CPEB2: variants seen among roughly 807,000 people sequenced by gnomAD.
The protein encoded by CPEB2 is cytoplasmic polyadenylation element-binding protein 2.
A neutral mutation model predicts 93.6 loss-of-function variants in CPEB2; 56 were observed. The ratio of observed to expected loss-of-function variants is 0.60; its 90% CI spans 0.48 to 0.75. The LOEUF (loss-of-function observed/expected upper bound fraction) is 0.75. Ranked by LOEUF, CPEB2 falls within the 30% of genes least tolerant of loss-of-function variation. The probability of loss-of-function intolerance (pLI) is 0.00; values close to 1 mark genes in which losing one functional copy is unlikely to be tolerated. For synonymous variants in CPEB2, 764 were observed against 586.3 expected, an observed-to-expected ratio of 1.30 and a Z score of -4.38; for missense variants, 1,579 against 1,395.1, an observed-to-expected ratio of 1.13 and a Z score of -2.10.
chr4:15,061,043 T>C (rs1729144938), intron 10 of CPEB2, among the ~76,000 whole-genome samples: 1 of 152,114 alleles, frequency 6.6e-6, no homozygotes, highest in Non-Finnish European at 1.5e-5. Context: ...CAGAAACTCA[T>C]TGGAGCAGGT....
intron 4 of CPEB2, among the ~76,000 whole-genome samples, chr4:15,019,141 G>A (rs1724534867): frequency 6.7e-6 from 1 of 150,336 alleles, no homozygotes; most frequent in Non-Finnish European, 1.5e-5. Flanking sequence ...CACAAAACGT[G>A]GAATATTTTA....
intron 3 of CPEB2, among the ~76,000 whole-genome samples, chr4:15,012,042 T>G (rs1723564525): frequency 6.6e-6 from 1 of 152,218 alleles, no homozygotes; most frequent in Non-Finnish European, 1.5e-5. Context: ...GAATCTTTAC[T>G]CACCTTACAC....
At chr4:15,031,751 C>T (rs1206555789) in intron 4 of CPEB2, among the ~76,000 whole-genome samples, 3 of 152,114 alleles carry the variant, frequency 2.0e-5, no homozygotes, top group Admixed American at 1.3e-4. Context: ...GGGTACCTAT[C>T]ATATATATTT....
intron 4 of CPEB2, among the ~76,000 whole-genome samples, chr4:15,021,100 G>T (rs1272593666): frequency 6.6e-6 from 1 of 152,170 alleles, no homozygotes; most frequent in Admixed American, 6.5e-5. Context: ...CCGACTGGGT[G>T]TAACAGGGCA....
chr4:15,027,676 A>G (rs1303992507), intron 4 of CPEB2, among the ~76,000 whole-genome samples: 2 of 152,206 alleles, frequency 1.3e-5, no homozygotes, highest in Non-Finnish European at 2.9e-5. Flanking sequence ...GCAATGCTTT[A>G]TTTAAAGCAC....
At chr4:15,006,091 T>G (rs2643088) in intron 1 of CPEB2, among the ~76,000 whole-genome samples, 20,372 of 152,208 alleles carry the variant, frequency 0.13, 2,328 homozygotes, top group South Asian at 0.32. Context: ...AAGATAACTT[T>G]GAGCATTAAA....
Position 15,003,333 on chromosome 4 carries a change from G to A in CPEB2, c.660G>A (p.Gln220=). The A allele has an allele frequency of 7.1e-7, 1 of 1,405,402 alleles. No individual in the cohort carries two copies. Among genetic ancestry groups the A allele is most frequent in the Non-Finnish European group, 9.1e-7 (1 of 1,093,648 alleles). 87.1% of individuals were successfully genotyped at this position (1,405,402 alleles called of 1,614,324 possible). Residue 220 remains glutamine, a synonymous_variant, in exon 1 of 12, where the codon CAG becomes CAA. Coordinates refer to ENST00000538197, the MANE Select transcript of CPEB2 (RefSeq NM_001177382.2). The part of the protein sequence containing the change: ...PPPPPAGPLL[Q]PAQLAQRQQQ... Reference sequence around the variant, plus strand: ...CGCCGCCAGCCGGCCCGCTCCTCCAGCCGGCGCAGCTCGCTCAGCGCCAGC... The same window carrying A: ...CGCCGCCAGCCGGCCCGCTCCTCCAACCGGCGCAGCTCGCTCAGCGCCAGC...
chr4:15,017,475 G>A (rs1724305411), intron 4 of CPEB2, 197 bp downstream of exon 4: 1 of 391,244 alleles, frequency 2.6e-6, no homozygotes, highest in African/African-American at 2.1e-5. Flanking sequence ...CACCTCCCTT[G>A]ACTTACAATT....
intron 4 of CPEB2, among the ~76,000 whole-genome samples, chr4:15,018,911 A>G (rs1224058722): frequency 6.9e-6 from 1 of 145,518 alleles, no homozygotes; most frequent in Non-Finnish European, 1.5e-5. Context: ...AAGGAAATGG[A>G]AGCATTATAA....
intron 1 of CPEB2, chr4:15,004,891 T>A (rs1187850089): frequency 1.3e-5 from 2 of 152,054 alleles, no homozygotes; most frequent in Non-Finnish European, 2.9e-5. Context: ...AGCCCAAGAC[T>A]CTGTCTCGCT....
At chr4:15,044,761 T>C (rs77681073) in intron 6 of CPEB2, among the ~76,000 whole-genome samples, 4,094 of 152,250 alleles carry the variant, frequency 0.027, 90 homozygotes, top group South Asian at 0.14. Flanking sequence ...AACATTAGCA[T>C]AGCGCCCAGT....
At chr4:15,004,506 G>A (rs1035373267) in intron 1 of CPEB2, among the ~76,000 whole-genome samples, 171 bp downstream of exon 1, 30 of 152,048 alleles carry the variant, frequency 2.0e-4, no homozygotes, top group African/African-American at 7.2e-4. Flanking sequence ...GACAGGACTC[G>A]GAACCCCAGC....
intron 1 of CPEB2, 113 bp downstream of exon 1, chr4:15,004,448 CG>C (rs1722505200): frequency 1.1e-5 from 8 of 718,788 alleles, no homozygotes; most frequent in South Asian, 4.6e-5. Context: ...GAAGCCGCGA[CG>C]GGGGCCACTC....
At chr4:15,044,929 A>G (rs934736339) in intron 6 of CPEB2, among the ~76,000 whole-genome samples, 11 of 152,204 alleles carry the variant, frequency 7.2e-5, no homozygotes, top group African/African-American at 2.2e-4. Context: ...AATCTTTATT[A>G]TAACTACTAT....
chr4:15,004,356 G>C, intron 1 of CPEB2, 21 bp downstream of exon 1: 2 of 1,419,200 alleles, frequency 1.4e-6, no homozygotes, highest in Non-Finnish European at 1.8e-6. Flanking sequence ...CGGCGGCCTG[G>C]CCGCGCCGCG....
chr4:15,029,954 G>T (rs568995480), intron 4 of CPEB2, among the ~76,000 whole-genome samples: 254 of 152,168 alleles, frequency 1.7e-3, no homozygotes, highest in South Asian at 5.2e-3. Context: ...GATCTTACAT[G>T]CAGGGGTACA....
At chr4:15,053,019 A>T (rs969186487) in intron 7 of CPEB2, among the ~76,000 whole-genome samples, 20 of 144,608 alleles carry the variant, frequency 1.4e-4, no homozygotes, top group East Asian at 4.1e-4. Context: ...TTATTTATTT[A>T]TTTATTTTTT....
At chr4:15,019,293 A>C (rs9985564) in intron 4 of CPEB2, among the ~76,000 whole-genome samples, 114,804 of 151,468 alleles carry the variant, frequency 0.76, 45,631 homozygotes, top group Non-Finnish European at 0.88. Flanking sequence ...TCTTGGTACT[A>C]AGTGCTGCCA....
At position 15,007,476 on chromosome 4, in the gene CPEB2, A is replaced by G. The variant is rs972964332; in HGVS notation, c.1834A>G (p.Ile612Val). 2.5e-6 allele frequency: 4 copies of G among 1,614,132 alleles called. No individual in the cohort carries two copies. The highest frequency in any genetic ancestry group is 3.4e-6 in the Non-Finnish European group (4 of 1,180,002). ...PLKKPFSGNVIAPPKFTRSTP... is the reference protein window; with the variant it reads ...PLKKPFSGNVVAPPKFTRSTP... ...GAAGAAACCGTTTTCTGGTAATGTC[A>G]TAGCACCACCGAAATTTACTCGCTC... is the stretch of plus-strand genomic sequence containing the variant. The change falls in exon 2 of 12, where the codon ATA (isoleucine) becomes GTA (valine). Residue 612 changes from isoleucine (I) to valine (V), a missense_variant. Ile to Val is a conservative substitution (Grantham distance 29, BLOSUM62 3). Around this residue, in one of 2 missense-constraint regions of CPEB2, gnomAD observed 1,411 missense variants for 1,056.0 expected, o/e 1.34. Transcript: ENST00000538197.
Sources: gnomAD v4.1 joint callset for allele counts (sites outside exome capture counted in the v4.1 genomes callset) on GRCh38, gnomAD v4.1.1 for gene constraint, gnomAD v4.1.1 regional missense constraint, MANE v1.5 for transcripts, NCBI Gene and HGNC (gene_info 2026-07-23, HGNC 2026-07-21) for gene names.